The following EIF2B3 variants were observed in gnomAD, a reference collection of about 807,000 sequenced individuals.
EIF2B3 encodes eukaryotic translation initiation factor 2B subunit gamma, also known as translation initiation factor eIF2B subunit gamma.
A neutral mutation model predicts 54.1 loss-of-function variants in EIF2B3; 20 were observed. The ratio of observed to expected loss-of-function variants is 0.37; its 90% CI spans 0.26 to 0.54. The LOEUF (loss-of-function observed/expected upper bound fraction) is 0.54, where lower values mean the gene tolerates loss of function less well. EIF2B3 is among the 20% of genes least tolerant of loss of function. EIF2B3 has a pLI of 0.86. For missense variants in EIF2B3, 448 were observed against 547.8 expected (o/e 0.82, Z 1.82); for synonymous variants, 153 against 188.1 (o/e 0.81, Z 1.52).
At chr1:44,887,424 T>C (rs1194051157) in intron 6 of EIF2B3, among the ~76,000 whole-genome samples, 42 of 152,354 alleles carry the variant, frequency 2.8e-4, no homozygotes, top group Non-Finnish European at 4.4e-5. Context: ...GCAAATATTT[T>C]AGGTAAAAAT....
intron 4 of EIF2B3, among the ~76,000 whole-genome samples, chr1:44,929,398 C>G (rs1323582396): frequency 3.3e-5 from 5 of 152,134 alleles, no homozygotes; most frequent in Admixed American, 3.3e-4. Context: ...TTCAAGATCA[C>G]CAATCAGATG....
intron 3 of EIF2B3, among the ~76,000 whole-genome samples, chr1:44,949,579 T>C (rs1644139432): frequency 6.6e-6 from 1 of 152,194 alleles, no homozygotes; most frequent in African/African-American, 2.4e-5. Flanking sequence ...ATGCTCCCTT[T>C]GTAGAGACTG....
intron 5 of EIF2B3, among the ~76,000 whole-genome samples, chr1:44,913,501 G>GAA (rs112520282): frequency 1.2e-4 from 17 of 143,744 alleles, no homozygotes; most frequent in African/African-American, 2.0e-4. Flanking sequence ...TGTTTTAATG[G>GAA]AAAAAAAAAA....
intron 6 of EIF2B3, among the ~76,000 whole-genome samples, chr1:44,884,170 A>G (rs548870507): frequency 1.3e-5 from 2 of 152,332 alleles, no homozygotes; most frequent in South Asian, 4.1e-4. Flanking sequence ...AGAAAGTGAC[A>G]TGAACAGTTT....
intron 5 of EIF2B3, among the ~76,000 whole-genome samples, chr1:44,902,562 A>G (rs1472317892): frequency 1.3e-5 from 2 of 152,094 alleles, no homozygotes; most frequent in African/African-American, 4.8e-5. Flanking sequence ...TGGCTCATGC[A>G]TGTAATCCCA....
intron 2 of EIF2B3, among the ~76,000 whole-genome samples, chr1:44,980,243 T>C (rs530236328): frequency 6.6e-6 from 1 of 152,188 alleles, no homozygotes; most frequent in East Asian, 1.9e-4. Context: ...GGTGGGCAGA[T>C]CACGAGGTCC....
At chr1:44,978,204 C>T in intron 3 of EIF2B3, 111 bp downstream of exon 3, 1 of 1,283,206 alleles carries the variant, frequency 7.8e-7, no homozygotes, top group Non-Finnish European at 1.1e-6. Flanking sequence ...GCACTCCGGC[C>T]TAGGTGACAG....
chr1:44,851,823 A>T (rs968763130), intron 11 of EIF2B3, among the ~76,000 whole-genome samples: 1 of 152,256 alleles, frequency 6.6e-6, no homozygotes, highest in Non-Finnish European at 1.5e-5. Context: ...GTGAATGCTC[A>T]ATAAGTTGTG....
At chr1:44,921,969 C>T (rs1202535962) in intron 5 of EIF2B3, among the ~76,000 whole-genome samples, 5 of 150,944 alleles carry the variant, frequency 3.3e-5, no homozygotes, top group Non-Finnish European at 5.9e-5. Context: ...GGCTGGAGTG[C>T]AATGGCGCAA....
intron 6 of EIF2B3, among the ~76,000 whole-genome samples, chr1:44,884,373 G>A (rs1655510914): frequency 6.6e-6 from 1 of 152,114 alleles, no homozygotes; most frequent in African/African-American, 2.4e-5. Flanking sequence ...CCCATTCAAA[G>A]CTCTGCATGC....
chr1:44,963,602 CTAAGT>C (rs1644307784), intron 3 of EIF2B3, among the ~76,000 whole-genome samples: 1 of 151,848 alleles, frequency 6.6e-6, no homozygotes, highest in African/African-American at 2.4e-5. Context: ...CAGATGATGC[CTAAGT>C]TAAGAGCCTA....
chr1:44,971,240 G>A (rs971080479), intron 3 of EIF2B3, among the ~76,000 whole-genome samples: 1 of 151,920 alleles, frequency 6.6e-6, no homozygotes, highest in African/African-American at 2.4e-5. Context: ...AAAATTAGTC[G>A]GGCTTGGTGG....
At chr1:44,883,026 T>A (rs2148906682) in intron 6 of EIF2B3, among the ~76,000 whole-genome samples, 1 of 150,390 alleles carries the variant, frequency 6.6e-6, no homozygotes, top group Non-Finnish European at 1.5e-5. Context: ...ACCTCCCAGT[T>A]CAAGTGATTC....
chr1:44,885,901 A>ATTTTTTT (rs57544990), intron 6 of EIF2B3, among the ~76,000 whole-genome samples: 74 of 133,192 alleles, frequency 5.6e-4, no homozygotes, highest in African/African-American at 1.9e-3. Context: ...CGCTTGGCTA[A>ATTTTTTT]TTTTTTTTTT....
chr1:44,853,046 C>G (rs11579580), intron 11 of EIF2B3, among the ~76,000 whole-genome samples: 28,531 of 151,848 alleles, frequency 0.19, 2,928 homozygotes, highest in Admixed American at 0.28. Context: ...ATGTTATGGA[C>G]AAGTGAGGGA....
rs1417931408 is a variant in EIF2B3, at chr1:44,909,254, A to T, written c.567-11810T>A. ...TAAGGAAACAGGATTCTGGGTAAAG[A>T]TGGCAGATTAAACATAAGCGTTAAC... On this transcript the variant is annotated intron_variant, in intron 5 of 11. Coordinates refer to ENST00000360403, the MANE Select transcript of EIF2B3 (RefSeq NM_020365.5). 3.9e-5 allele frequency among the ~76,000 whole-genome samples: 6 copies of T among 152,254 alleles called. No individual in the cohort carries two copies. In the East Asian group the frequency reaches 1.2e-3, roughly 29 times the overall value.
At chr1:44,901,611 T>C (rs951284299) in intron 5 of EIF2B3, among the ~76,000 whole-genome samples, 1 of 143,704 alleles carries the variant, frequency 7.0e-6, no homozygotes, top group African/African-American at 2.6e-5. Flanking sequence ...CAGGCTGGAG[T>C]GCTGTGGCGT....
At chr1:44,918,969 A>G (rs889481513) in intron 5 of EIF2B3, among the ~76,000 whole-genome samples, 1 of 152,232 alleles carries the variant, frequency 6.6e-6, no homozygotes, top group Non-Finnish European at 1.5e-5. Flanking sequence ...CTTCCAACAT[A>G]CTAACCTCAT....
chr1:44,908,996 G>C (rs1358946111), intron 5 of EIF2B3, among the ~76,000 whole-genome samples: 1 of 152,206 alleles, frequency 6.6e-6, no homozygotes, highest in Non-Finnish European at 1.5e-5. Context: ...GAAGAATGAA[G>C]AGTGGTTCTG....
Sources: allele counts gnomAD v4.1 joint callset (sites outside exome capture counted in the v4.1 genomes callset), GRCh38; gene constraint gnomAD v4.1.1; transcripts MANE v1.5; gene names NCBI Gene and HGNC (gene_info 2026-07-23, HGNC 2026-07-21).